Variants in AGK observed in about 807,000 individuals in gnomAD.
The protein encoded by AGK is acylglycerol kinase.
AGK carries 52 observed loss-of-function variants against 66.4 expected under a neutral mutation model. The ratio of observed to expected loss-of-function variants is 0.78; its 90% CI spans 0.63 to 0.99. AGK has a LOEUF of 0.99. AGK is among the 50% of genes least tolerant of loss of function. The probability of loss-of-function intolerance (pLI) is 0.00; values close to 1 mark genes in which losing one functional copy is unlikely to be tolerated. For missense variants in AGK, 451 were observed against 506.6 expected, an observed-to-expected ratio of 0.89 and a Z score of 1.05; for synonymous variants, 182 against 181.1, an observed-to-expected ratio of 1.00 and a Z score of -0.04.
chr7:141,554,770 C>T (rs1269708254), intron 1 of AGK, among the ~76,000 whole-genome samples: 1 of 152,126 alleles, frequency 6.6e-6, no homozygotes, highest in Non-Finnish European at 1.5e-5. Context: ...TCCTAATTTA[C>T]CTTCTTTAAA....
At chr7:141,592,792 C>T (rs1339398225) in intron 2 of AGK, among the ~76,000 whole-genome samples, 2 of 152,096 alleles carry the variant, frequency 1.3e-5, no homozygotes, top group East Asian at 1.9e-4. Flanking sequence ...CAACCTCTGC[C>T]TCCCAGGTTC....
At chr7:141,602,596 G>GA (rs1329956957) in intron 5 of AGK, among the ~76,000 whole-genome samples, 1 of 151,758 alleles carries the variant, frequency 6.6e-6, no homozygotes, top group African/African-American at 2.4e-5. Flanking sequence ...GTAATCTTGT[G>GA]AGAGGTTTGT....
At chr7:141,648,611 C>G (rs1457609936) in intron 13 of AGK, among the ~76,000 whole-genome samples, 1 of 152,106 alleles carries the variant, frequency 6.6e-6, no homozygotes, top group Non-Finnish European at 1.5e-5. Flanking sequence ...TTACAGAGGG[C>G]TAGGTTTGTA....
chr7:141,560,551 G>C (rs180983870), intron 2 of AGK, among the ~76,000 whole-genome samples: 6 of 151,898 alleles, frequency 4.0e-5, no homozygotes, highest in Admixed American at 2.0e-4. Context: ...CTGAGATATT[G>C]GTGCACCCGT....
chr7:141,574,255 G>T (rs1041777193), intron 2 of AGK, among the ~76,000 whole-genome samples: 1 of 152,144 alleles, frequency 6.6e-6, no homozygotes, highest in Non-Finnish European at 1.5e-5. Flanking sequence ...TGAAAAAATG[G>T]CTGGTGGTAG....
In AGK at chr7:141,653,931, CACA is replaced by C. The variant is rs1156687473; in HGVS notation, c.*1012_*1014del. 2.0e-5 allele frequency: 3 copies of C among 152,144 alleles called. No homozygotes were observed. Among genetic ancestry groups the C allele is most frequent in the South Asian group, 4.2e-4 (2 of 4,818 alleles). The allele number at this position is 152,144 out of a possible 1,614,324, so 9.4% of individuals were successfully genotyped here. On this transcript the variant is annotated 3_prime_UTR_variant, in exon 16 of 16. Transcript: ENST00000649286. ...AACATATCCAGTACAATTTAAATAT[CACA>C]ACAATTTGACACCCTTCATTCATTT...
chr7:141,563,890 A>G (rs1293714848), intron 2 of AGK, among the ~76,000 whole-genome samples: 3 of 151,790 alleles, frequency 2.0e-5, no homozygotes, highest in African/African-American at 7.3e-5. Context: ...CCTCAACTCC[A>G]TTTTTCACAT....
At chr7:141,621,327 C>T (rs1796819134) in intron 8 of AGK, among the ~76,000 whole-genome samples, 1 of 152,194 alleles carries the variant, frequency 6.6e-6, no homozygotes, top group Non-Finnish European at 1.5e-5. Context: ...ATAACAAATT[C>T]TGCCCTTTAG....
chr7:141,638,058 G>C (rs1797211716), intron 11 of AGK, among the ~76,000 whole-genome samples: 2 of 152,172 alleles, frequency 1.3e-5, no homozygotes, highest in South Asian at 4.1e-4. Context: ...AATATAAACT[G>C]TTGCCACTAT....
At chr7:141,611,490 C>T (rs1796588141) in intron 6 of AGK, among the ~76,000 whole-genome samples, 1 of 152,014 alleles carries the variant, frequency 6.6e-6, no homozygotes, top group African/African-American at 2.4e-5. Context: ...CTACCCAGCA[C>T]ATAGAAGGAT....
chr7:141,576,888 A>G (rs1217642639), intron 2 of AGK, among the ~76,000 whole-genome samples: 2 of 151,832 alleles, frequency 1.3e-5, no homozygotes, highest in African/African-American at 4.8e-5. Context: ...AAATACAAAA[A>G]AATTAGCTGG....
chr7:141,601,367 T>G, intron 5 of AGK, 87 bp downstream of exon 5: 1 of 1,037,954 alleles, frequency 9.6e-7, no homozygotes, highest in South Asian at 1.4e-5. Flanking sequence ...AAAAATTGCT[T>G]GTCACAAGAG....
chr7:141,650,771 G>A (rs530948551), intron 14 of AGK: 4 of 790,042 alleles, frequency 5.1e-6, no homozygotes, highest in East Asian at 1.3e-4. Flanking sequence ...TATCCTTGGG[G>A]TATTGGTTCC....
chr7:141,588,992 T>G (rs1295633814), intron 2 of AGK, among the ~76,000 whole-genome samples: 1 of 152,196 alleles, frequency 6.6e-6, no homozygotes, highest in Non-Finnish European at 1.5e-5. Context: ...AAGGTTGTTT[T>G]ATCAGCAAGG....
chr7:141,623,955 A>G (rs768533206), intron 9 of AGK, among the ~76,000 whole-genome samples: 1 of 151,920 alleles, frequency 6.6e-6, no homozygotes, highest in Non-Finnish European at 1.5e-5. Flanking sequence ...ATTATGCTAC[A>G]TCTACTCTGC....
intron 13 of AGK, 34 bp from the exon 14 acceptor site, chr7:141,649,225 TTTAA>T (rs1177661438): frequency 6.7e-7 from 1 of 1,500,478 alleles, no homozygotes; most frequent in Non-Finnish European, 9.3e-7. Context: ...TTAGCCAAAT[TTTAA>T]GAGTAATGAC....
intron 2 of AGK, among the ~76,000 whole-genome samples, chr7:141,590,267 C>T (rs1234586923): frequency 1.3e-5 from 2 of 152,090 alleles, no homozygotes; most frequent in Admixed American, 6.5e-5. Flanking sequence ...AGCCTGTTGC[C>T]TTTTGGAGAC....
intron 13 of AGK, among the ~76,000 whole-genome samples, chr7:141,643,363 A>C (rs977664002): frequency 6.6e-5 from 10 of 152,356 alleles, no homozygotes; most frequent in Non-Finnish European, 1.5e-4. Flanking sequence ...GAAGTTAAAA[A>C]AAAGTATTAG....
chr7:141,637,077 A>C, intron 11 of AGK, 60 bp downstream of exon 11: 3 of 1,396,842 alleles, frequency 2.1e-6, no homozygotes, highest in South Asian at 1.2e-5. Flanking sequence ...TCTGTAATGC[A>C]TATATTTGGT....
Sources: gnomAD v4.1 joint callset for allele counts (sites outside exome capture counted in the v4.1 genomes callset) on GRCh38, gnomAD v4.1.1 for gene constraint, MANE v1.5 for transcripts, NCBI Gene and HGNC (gene_info 2026-07-23, HGNC 2026-07-21) for gene names.